PKP2: variants seen among roughly 807,000 people sequenced by gnomAD.
PKP2 encodes the protein plakophilin 2, also known as plakophilin-2.
A neutral mutation model predicts 83.4 loss-of-function variants in PKP2; 73 were observed. The ratio of observed to expected loss-of-function variants is 0.88; its 90% confidence interval spans 0.72 to 1.06. The LOEUF (loss-of-function observed/expected upper bound fraction) is 1.06. PKP2 is among the 50% of genes least tolerant of loss of function. PKP2 has a pLI of 0.00. For synonymous variants in PKP2, 409 were observed against 430.4 expected (o/e 0.95, Z 0.62); for missense variants, 966 against 1,065.4 (o/e 0.91, Z 1.30).
chr12:32,821,472 G>C lies in PKP2; in HGVS notation c.1897C>G (p.Leu633Val). 1 of 1,614,054 alleles carries C rather than the reference G, an allele frequency of 6.2e-7. No homozygotes were observed. The highest frequency in any genetic ancestry group is 8.5e-7 in the Non-Finnish European group (1 of 1,179,978). The change falls in exon 9 of 13, where the codon CTG becomes GTG. Residue 633 changes from leucine to valine, a missense_variant. Leu to Val is a conservative substitution (Grantham distance 32). Transcript: ENST00000340811. ...EKSNPKGVEW[L>V]WHSIVIRMYL... The stretch of plus-strand genomic sequence containing the variant: ...ATCCTTATAACAATGGAATGCCACA[G>C]CCACTCCACGCCCTTGGGGTTGCTC...
At chr12:32,848,095 C>T (rs533473676) in intron 5 of PKP2, among the ~76,000 whole-genome samples, 32 of 152,222 alleles carry the variant, frequency 2.1e-4, no homozygotes, top group Admixed American at 1.5e-3. Flanking sequence ...AAAAGAAATC[C>T]CTCATGGGAC....
At chr12:32,824,353 T>C in intron 6 of PKP2, 191 bp from the exon 7 acceptor site, 1 of 596,416 alleles carries the variant, frequency 1.7e-6, no homozygotes. Flanking sequence ...TTTCTAAATA[T>C]TTCCAAACAA....
intron 6 of PKP2, among the ~76,000 whole-genome samples, chr12:32,829,721 C>T (rs1410029405): frequency 2.0e-5 from 3 of 151,948 alleles, no homozygotes; most frequent in Non-Finnish European, 2.9e-5. Context: ...AGTGCAGTGG[C>T]GAAATCTTGG....
chr12:32,813,546 G>A (rs1027155736), intron 9 of PKP2, among the ~76,000 whole-genome samples: 7 of 152,150 alleles, frequency 4.6e-5, no homozygotes, highest in Non-Finnish European at 4.4e-5. Flanking sequence ...TTGGGAGGCT[G>A]AGGCAGGAGG....
chr12:32,835,107 G>A (rs1006506316), intron 6 of PKP2, among the ~76,000 whole-genome samples: 7 of 150,536 alleles, frequency 4.7e-5, no homozygotes, highest in South Asian at 4.2e-4. Context: ...GGACTGGAGT[G>A]CAGTGGCGCG....
intron 10 of PKP2, among the ~76,000 whole-genome samples, chr12:32,798,115 G>T (rs1451863629): frequency 1.1e-5 from 1 of 87,248 alleles, no homozygotes; most frequent in Non-Finnish European, 2.2e-5. Flanking sequence ...ATGGAGTTTC[G>T]CTCTTGTTGC....
chr12:32,876,824 C>A (rs1956937464), intron 3 of PKP2, among the ~76,000 whole-genome samples: 2 of 152,324 alleles, frequency 1.3e-5, no homozygotes, highest in South Asian at 4.1e-4. Flanking sequence ...GCCACTGCTC[C>A]CGGCTTATTT....
chr12:32,843,559 T>C (rs112955378), intron 5 of PKP2, among the ~76,000 whole-genome samples: 2 of 152,320 alleles, frequency 1.3e-5, no homozygotes, highest in Admixed American at 6.5e-5. Context: ...AGCTACTTTT[T>C]GAAACTGTAA....
chr12:32,896,430 G>A (rs1312075360), intron 1 of PKP2, 79 bp downstream of exon 1: 6 of 1,121,348 alleles, frequency 5.4e-6, no homozygotes, highest in South Asian at 3.5e-5. Context: ...CTCCCAGCAC[G>A]CGGGGTGAGG....
At chr12:32,831,018 T>G (rs191700978) in intron 6 of PKP2, among the ~76,000 whole-genome samples, 1 of 152,338 alleles carries the variant, frequency 6.6e-6, no homozygotes, top group African/African-American at 2.4e-5. Context: ...TACATTAATT[T>G]CCTCTCAATT....
chr12:32,809,094 A>G (rs1592732236), intron 9 of PKP2, among the ~76,000 whole-genome samples: 1 of 151,884 alleles, frequency 6.6e-6, no homozygotes, highest in Non-Finnish European at 1.5e-5. Context: ...GACTGCCCAG[A>G]CTCTCTAGAG....
chr12:32,878,255 T>G lies in PKP2; in HGVS notation c.625A>C (p.Ser209Arg). The change falls in exon 3 of 13, where the codon AGC becomes CGC. Residue 209 changes from serine (S) to arginine (R), a missense_variant. Transcript: ENST00000340811. ...TATGTGTCAAAGTGGCGCTGCCTGC[T>G]TGTGGTGCCAGCACGGCTGACCCCC... Reference protein sequence around the residue: ...IVGVSRAGTTSRQRHFDTYHR... With the variant: ...IVGVSRAGTTRRQRHFDTYHR... 1 of 1,613,942 alleles carries G rather than the reference T, an allele frequency of 6.2e-7. No individual in the cohort carries two copies. Among genetic ancestry groups the G allele is most frequent in the Non-Finnish European group, 8.5e-7 (1 of 1,180,016 alleles).
chr12:32,828,483 A>G (rs1956463821), intron 6 of PKP2, among the ~76,000 whole-genome samples: 1 of 152,202 alleles, frequency 6.6e-6, no homozygotes, highest in African/African-American at 2.4e-5. Context: ...TGCACTAGAC[A>G]TTATGGTAGG....
At chr12:32,885,005 C>CT (rs1395816581) in intron 1 of PKP2, among the ~76,000 whole-genome samples, 1 of 152,164 alleles carries the variant, frequency 6.6e-6, no homozygotes, top group Non-Finnish European at 1.5e-5. Flanking sequence ...ATTACCTATA[C>CT]TTTTTTCTAA....
At chr12:32,817,710 G>T (rs960982005) in intron 9 of PKP2, among the ~76,000 whole-genome samples, 14 of 152,108 alleles carry the variant, frequency 9.2e-5, no homozygotes, top group African/African-American at 3.1e-4. Context: ...CCATGTAATT[G>T]TTTAGCATCT....
At chr12:32,826,138 C>A (rs967078770) in intron 6 of PKP2, among the ~76,000 whole-genome samples, 1 of 151,616 alleles carries the variant, frequency 6.6e-6, no homozygotes, top group Non-Finnish European at 1.5e-5. Flanking sequence ...CCCGTCTCTA[C>A]TAAAAGTACC....
intron 9 of PKP2, among the ~76,000 whole-genome samples, chr12:32,811,984 A>G (rs1956280964): frequency 6.6e-6 from 1 of 152,124 alleles, no homozygotes; most frequent in African/African-American, 2.4e-5. Context: ...GCATTGTGGG[A>G]AACCTGCCAT....
chr12:32,873,718 C>T lies in PKP2; in HGVS notation c.1034+4128G>A, dbSNP rs139030257. Among the ~76,000 whole-genome samples, 757 of 151,986 alleles carry T rather than the reference C, an allele frequency of 5.0e-3. 2 individuals carry two copies. The highest frequency in any genetic ancestry group is 0.014 in the Middle Eastern group (4 of 294). ...CTAACTTTTGTATTTTTAGTAGAGACGGGTTTTCACCATGTTGGCCAGGCT... is the reference window on the plus strand; with the variant it reads ...CTAACTTTTGTATTTTTAGTAGAGATGGGTTTTCACCATGTTGGCCAGGCT... On this transcript the variant is annotated intron_variant, in intron 3 of 12. Coordinates refer to ENST00000340811, the MANE Select transcript of PKP2 (RefSeq NM_001005242.3).
intron 9 of PKP2, among the ~76,000 whole-genome samples, chr12:32,818,038 A>C (rs538977120): frequency 6.6e-6 from 1 of 152,308 alleles, no homozygotes; most frequent in African/African-American, 2.4e-5. Flanking sequence ...TCCTGAAACT[A>C]TCTCTCCCCA....
Sources: allele counts gnomAD v4.1 joint callset (sites outside exome capture counted in the v4.1 genomes callset), GRCh38; gene constraint gnomAD v4.1.1; transcripts MANE v1.5; gene names NCBI Gene and HGNC (gene_info 2026-07-23, HGNC 2026-07-21).